Variants in TNKS observed in about 807,000 individuals in gnomAD.
TNKS encodes poly [ADP-ribose] polymerase tankyrase-1.
TNKS carries 72 observed loss-of-function variants against 135.8 expected under a neutral mutation model. The ratio of observed to expected loss-of-function variants is 0.53; its 90% CI spans 0.44 to 0.64. TNKS has a LOEUF of 0.64. TNKS is among the 30% of genes least tolerant of loss of function. The pLI is 0.00. For missense variants in TNKS, 1,769 were observed against 1,674.0 expected, an observed-to-expected ratio of 1.06 and a Z score of -0.99; for synonymous variants, 849 against 649.3, an observed-to-expected ratio of 1.31 and a Z score of -4.68.
intron 2 of TNKS, among the ~76,000 whole-genome samples, chr8:9,600,146 T>A (rs1427295011): frequency 1.3e-5 from 2 of 152,302 alleles, no homozygotes; most frequent in East Asian, 3.9e-4. Context: ...AAGGAATTGC[T>A]AGGGTCCCAC....
At chr8:9,559,907 G>A (rs1191648075) in intron 1 of TNKS, among the ~76,000 whole-genome samples, 2 of 152,126 alleles carry the variant, frequency 1.3e-5, no homozygotes, top group Admixed American at 1.3e-4. Context: ...CCTATCTGCA[G>A]TTAAGACAAA....
intron 2 of TNKS, among the ~76,000 whole-genome samples, chr8:9,597,542 T>C (rs980989495): frequency 3.9e-5 from 6 of 152,362 alleles, no homozygotes; most frequent in South Asian, 2.1e-4. Flanking sequence ...TTAGATTCTT[T>C]TAACCTAGTG....
intron 18 of TNKS, among the ~76,000 whole-genome samples, chr8:9,749,350 C>G (rs1435269254): frequency 1.3e-5 from 2 of 152,156 alleles, no homozygotes; most frequent in Non-Finnish European, 2.9e-5. Flanking sequence ...AAAATTCAGC[C>G]AGACACATGT....
rs556246258 is a variant in TNKS at position 9,781,001 on chromosome 8, T to G, written c.*4265T>G. On this transcript the variant is annotated 3_prime_UTR_variant, in exon 27 of 27. Transcript: ENST00000310430. Reference sequence around the variant, plus strand: ...ATGAGTGATATGCAAGCTGTGTTTTTTAATTGTTTTAAAATGTAAATTATG... The same window carrying G: ...ATGAGTGATATGCAAGCTGTGTTTTGTAATTGTTTTAAAATGTAAATTATG... The G allele has an allele frequency of 6.6e-6, 1 of 152,218 alleles. No individual in the cohort carries two copies. The highest frequency in any genetic ancestry group is 2.4e-5 in the African/African-American group (1 of 41,434). The allele number at this position is 152,218 out of a possible 1,614,324, so 9.4% of individuals were successfully genotyped here. A position where few individuals can be genotyped will look rare whatever the true frequency, so the allele number is the denominator to read the frequency against.
intron 5 of TNKS, among the ~76,000 whole-genome samples, chr8:9,682,817 TTATATTA>T (rs1333427048): frequency 3.4e-5 from 3 of 88,948 alleles, no homozygotes; most frequent in Non-Finnish European, 5.6e-5. Context: ...ACTAATATTA[TTATATTA>T]ATTTATTTTG....
At chr8:9,668,022 A>G (rs567732125) in intron 3 of TNKS, among the ~76,000 whole-genome samples, 14 of 152,304 alleles carry the variant, frequency 9.2e-5, no homozygotes, top group African/African-American at 3.1e-4. Flanking sequence ...CTAGCATGCT[A>G]GCAGTGGCAC....
At chr8:9,707,550 A>G (rs1804108676) in intron 8 of TNKS, among the ~76,000 whole-genome samples, 2 of 152,192 alleles carry the variant, frequency 1.3e-5, no homozygotes, top group Admixed American at 6.5e-5. Flanking sequence ...TCACTTTCCC[A>G]TATTTAAGTG....
intron 20 of TNKS, among the ~76,000 whole-genome samples, chr8:9,757,959 C>CGTGT (rs1341443572): frequency 2.0e-5 from 3 of 152,098 alleles, no homozygotes; most frequent in South Asian, 2.1e-4. Context: ...AATTGGACAC[C>CGTGT]ATGTAACTCA....
chr8:9,746,881 C>CTTTTTTTTTTTTTTTTTTTTTTTTTTTT (rs10672387), intron 17 of TNKS, among the ~76,000 whole-genome samples: 4 of 117,188 alleles, frequency 3.4e-5, no homozygotes, highest in African/African-American at 1.5e-4. Context: ...CCTACTTAAA[C>CTTTTTTTTTTTTTTTTTTTTTTTTTTTT]TTTTTTTTTT....
chr8:9,584,130 C>T (rs963185847), intron 2 of TNKS, among the ~76,000 whole-genome samples: 17 of 141,536 alleles, frequency 1.2e-4, no homozygotes, highest in Admixed American at 5.9e-4. Flanking sequence ...CACCACTGCA[C>T]TCCAGTCTGG....
At chr8:9,620,561 C>G (rs545917525) in intron 3 of TNKS, among the ~76,000 whole-genome samples, 161 of 152,314 alleles carry the variant, frequency 1.1e-3, no homozygotes, top group Middle Eastern at 3.4e-3. Flanking sequence ...GTGGCCTGTC[C>G]TGATCTGGCT....
rs1487593021 is a variant in TNKS at position 9,556,008 on chromosome 8, G to T, written c.69G>T (p.Gly23=). 1.9e-6 allele frequency: 3 copies of T among 1,612,982 alleles called. No homozygotes were observed. Among genetic ancestry groups the T allele is most frequent in the Non-Finnish European group, 2.5e-6 (3 of 1,179,846 alleles). Residue 23 remains glycine, a synonymous_variant, in exon 1 of 27, where the codon GGG becomes GGT. Transcript: ENST00000310430. ...HHQQQLQPAP[G]ASAPPPPPPP... is the part of the protein sequence containing the mutation. ...AACAACAGCTCCAGCCCGCCCCAGG[G>T]GCTTCAGCGCCGCCGCCGCCACCTC...
intron 25 of TNKS, among the ~76,000 whole-genome samples, chr8:9,768,012 A>G (rs1266883641): frequency 6.6e-6 from 1 of 151,772 alleles, no homozygotes; most frequent in African/African-American, 2.4e-5. Flanking sequence ...TATAGCATGT[A>G]AAAGTATTTT....
intron 3 of TNKS, among the ~76,000 whole-genome samples, chr8:9,651,741 A>G (rs1266390181): frequency 6.6e-6 from 1 of 152,196 alleles, no homozygotes; most frequent in East Asian, 1.9e-4. Context: ...ATGGGCTTGC[A>G]TAAGAACATT....
chr8:9,773,251 T>C (rs1232656340), intron 26 of TNKS, among the ~76,000 whole-genome samples: 1 of 152,104 alleles, frequency 6.6e-6, no homozygotes, highest in Non-Finnish European at 1.5e-5. Flanking sequence ...CAATAAAAAA[T>C]TTAAACAACC....
At chr8:9,556,767 G>T in intron 1 of TNKS, 155 bp downstream of exon 1, 1 of 787,804 alleles carries the variant, frequency 1.3e-6, no homozygotes, top group Non-Finnish European at 2.0e-6. Context: ...TTCTTTTGGT[G>T]GTGCCTGGGT....
At chr8:9,619,299 G>C (rs532340413) in intron 3 of TNKS, among the ~76,000 whole-genome samples, 27 of 152,332 alleles carry the variant, frequency 1.8e-4, no homozygotes, top group Middle Eastern at 3.4e-3. Flanking sequence ...AAAAGGGCTA[G>C]AAAGTAGGGT....
intron 5 of TNKS, among the ~76,000 whole-genome samples, chr8:9,703,215 A>G (rs1209125199): frequency 6.6e-6 from 1 of 152,102 alleles, no homozygotes; most frequent in Admixed American, 6.5e-5. Flanking sequence ...TTCAGTGTGG[A>G]TATGCTGGAG....
intron 3 of TNKS, among the ~76,000 whole-genome samples, chr8:9,666,548 C>T (rs1801997868): frequency 1.3e-5 from 2 of 151,796 alleles, no homozygotes; most frequent in Admixed American, 1.3e-4. Context: ...GGTGAAACCC[C>T]GTCTCTACTA....
Sources: allele counts gnomAD v4.1 joint callset (sites outside exome capture counted in the v4.1 genomes callset), GRCh38; gene constraint gnomAD v4.1.1; transcripts MANE v1.5; gene names NCBI Gene and HGNC (gene_info 2026-07-23, HGNC 2026-07-21).